Variants in RPL39L observed in about 807,000 individuals in gnomAD.
The protein encoded by RPL39L is ribosomal protein L39 like.
For missense variants in RPL39L, 48 were observed against 58.9 expected, an observed-to-expected ratio of 0.81 and a Z score of 0.61; for synonymous variants, 16 against 20.1, an observed-to-expected ratio of 0.80 and a Z score of 0.55.
At position 187,121,353 on chromosome 3, in the gene RPL39L, G is replaced by C. The variant is rs1225001798; in HGVS notation, c.-28-25C>G. 3.8e-6 allele frequency: 6 copies of C among 1,589,188 alleles called. No individual in the cohort carries two copies. In the Admixed American group the frequency reaches 1.0e-4, roughly 27 times the overall value. Reference sequence around the variant, plus strand: ...ACTATGGCGGAGAAAGGGAGAGAGAGACAGAGACAATATTACCATAGGATA... The same window carrying C: ...ACTATGGCGGAGAAAGGGAGAGAGACACAGAGACAATATTACCATAGGATA... On this transcript the variant is annotated intron_variant, in intron 2 of 2. Coordinates refer to ENST00000296277, the MANE Select transcript of RPL39L (RefSeq NM_052969.3).
At chr3:187,135,356 T>A (rs938460488) in intron 1 of RPL39L, among the ~76,000 whole-genome samples, 4 of 152,120 alleles carry the variant, frequency 2.6e-5, no homozygotes, top group South Asian at 4.1e-4. Flanking sequence ...AGGAACCCAG[T>A]GGGAGGTGAT....
At chr3:187,135,641 G>A (rs911140878) in intron 1 of RPL39L, among the ~76,000 whole-genome samples, 3 of 152,162 alleles carry the variant, frequency 2.0e-5, no homozygotes, top group African/African-American at 4.8e-5. Context: ...TAATACAGAC[G>A]GGTAAGCAGT....
At chr3:187,122,885 A>C (rs896592889) in intron 2 of RPL39L, among the ~76,000 whole-genome samples, 1 of 152,202 alleles carries the variant, frequency 6.6e-6, no homozygotes, top group Non-Finnish European at 1.5e-5. Flanking sequence ...ATAATTTAGG[A>C]TACTTCTGTG....
At chr3:187,124,461 T>C (rs1720365387) in intron 2 of RPL39L, among the ~76,000 whole-genome samples, 1 of 152,242 alleles carries the variant, frequency 6.6e-6, no homozygotes, top group Admixed American at 6.5e-5. Flanking sequence ...TAAATCTCTA[T>C]CAGATGCAAT....
chr3:187,130,687 T>C (rs1187487186), intron 1 of RPL39L, among the ~76,000 whole-genome samples: 1 of 152,204 alleles, frequency 6.6e-6, no homozygotes, highest in African/African-American at 2.4e-5. Context: ...AATTACCCAG[T>C]CTCAGATATT....
At chr3:187,126,322 C>T (rs925965659) in intron 2 of RPL39L, among the ~76,000 whole-genome samples, 7 of 152,058 alleles carry the variant, frequency 4.6e-5, no homozygotes, top group Admixed American at 1.3e-4. Flanking sequence ...CCACTACACC[C>T]GGCTAATTTT....
intron 1 of RPL39L, among the ~76,000 whole-genome samples, chr3:187,131,070 AGTG>A (rs1459521758): frequency 1.3e-5 from 2 of 152,182 alleles, no homozygotes; most frequent in African/African-American, 4.8e-5. Flanking sequence ...CTAAAATCAA[AGTG>A]GTATTTAAAA....
chr3:187,124,016 A>C (rs1256308633), intron 2 of RPL39L, among the ~76,000 whole-genome samples: 1 of 152,216 alleles, frequency 6.6e-6, no homozygotes, highest in East Asian at 1.9e-4. Context: ...TATAATGCCA[A>C]CTGAAATAAG....
chr3:187,133,347 A>T (rs995962288), intron 1 of RPL39L, among the ~76,000 whole-genome samples: 3 of 151,892 alleles, frequency 2.0e-5, no homozygotes, highest in Non-Finnish European at 4.4e-5. Context: ...TTCTCATGAG[A>T]TCTGATGGTT....
intron 2 of RPL39L, among the ~76,000 whole-genome samples, chr3:187,122,196 T>G (rs1375330200): frequency 6.6e-6 from 1 of 152,226 alleles, no homozygotes; most frequent in Non-Finnish European, 1.5e-5. Flanking sequence ...CCACTCCATT[T>G]AAAGATCTTG....
intron 1 of RPL39L, among the ~76,000 whole-genome samples, chr3:187,131,242 C>T (rs1487827382): frequency 6.6e-6 from 1 of 152,128 alleles, no homozygotes; most frequent in African/African-American, 2.4e-5. Flanking sequence ...TTTTGGGAGG[C>T]TGAGGCAGGC....
chr3:187,128,176 C>A (rs1720428960), intron 1 of RPL39L, 114 bp from the exon 2 acceptor site: 1 of 152,058 alleles, frequency 6.6e-6, no homozygotes, highest in Non-Finnish European at 1.5e-5. Flanking sequence ...TTTGTGAAAA[C>A]CTTAAGAGAA....
At chr3:187,134,866 T>C (rs756464149) in intron 1 of RPL39L, among the ~76,000 whole-genome samples, 1 of 152,232 alleles carries the variant, frequency 6.6e-6, no homozygotes, top group Non-Finnish European at 1.5e-5. Context: ...ACCTCTGTTA[T>C]GCTTCCAGGG....
At position 187,121,265 on chromosome 3, in the gene RPL39L, G is replaced by A. The variant is rs566048893; in HGVS notation, c.36C>T (p.Phe12=). ...SSHKTFTIKR[F]LAKKQKQNRP... ...GATTTTGCTTTTGTTTCTTGGCCAG[G>A]AATCGCTTAATGGTGAAAGTCTTGT... is the stretch of plus-strand genomic sequence containing the variant. The change falls in exon 3 of 3, where the codon TTC becomes TTT. Residue 12 remains phenylalanine, a synonymous_variant. Transcript: ENST00000296277. 7 of 1,613,982 alleles carry A rather than the reference G, an allele frequency of 4.3e-6. No homozygotes were observed. The African/African-American group carries it at 8.0e-5, about 18-fold the overall frequency.
rs72169562 is a variant in RPL39L, at chr3:187,134,483, T to TAAAAAAAAAAAAAAAAAAA, written c.-93+4711_-93+4729dup. The stretch of plus-strand genomic sequence containing the variant: ...GCCCAAACTACTTTAGCCTGACTGA[T>TAAAAAAAAAAAAAAAAAAA]AAAAAAAAAAAAAAAAAAAGAAGAC... On this transcript the variant is annotated intron_variant, in intron 1 of 2. Transcript: ENST00000296277. Among the ~76,000 whole-genome samples the TAAAAAAAAAAAAAAAAAAA allele has an allele frequency of 1.5e-3, 141 of 93,314 alleles. 2 individuals carry two copies. Among genetic ancestry groups the TAAAAAAAAAAAAAAAAAAA allele is most frequent in the African/African-American group, 5.7e-3 (134 of 23,480 alleles). 61.2% of individuals were successfully genotyped at this position (93,314 alleles called of 152,430 possible). A position where few individuals can be genotyped will look rare whatever the true frequency, so the allele number is the denominator to read the frequency against.
At chr3:187,134,483 T>TAAAAAAAAGAAAAAAAAAAAAA (rs1720539115) in intron 1 of RPL39L, among the ~76,000 whole-genome samples, 32 of 93,402 alleles carry the variant, frequency 3.4e-4, no homozygotes, top group African/African-American at 1.3e-3. Context: ...GCCTGACTGA[T>TAAAAAAAAGAAAAAAAAAAAAA]AAAAAAAAAA....
chr3:187,123,475 C>T (rs1352837707), intron 2 of RPL39L, among the ~76,000 whole-genome samples: 9 of 152,214 alleles, frequency 5.9e-5, no homozygotes, highest in Non-Finnish European at 1.3e-4. Context: ...AATCACAGTT[C>T]ATCTTAAATT....
intron 1 of RPL39L, 21 bp from the exon 2 acceptor site, chr3:187,128,083 G>A (rs1720427579): frequency 6.6e-6 from 1 of 152,308 alleles, no homozygotes; most frequent in Non-Finnish European, 1.5e-5. Flanking sequence ...AATATCCAGT[G>A]TGTAATGGTA....
intron 2 of RPL39L, among the ~76,000 whole-genome samples, chr3:187,125,140 TGTCTATAAGGAA>T (rs2108467581): frequency 6.6e-6 from 1 of 152,264 alleles, no homozygotes; most frequent in South Asian, 2.1e-4. Context: ...CAATACGATA[TGTCTATAAGGAA>T]GTGGTTAAAC....
Sources: allele counts gnomAD v4.1 joint callset (sites outside exome capture counted in the v4.1 genomes callset), GRCh38; gene constraint gnomAD v4.1.1; transcripts MANE v1.5; gene names NCBI Gene and HGNC (gene_info 2026-07-23, HGNC 2026-07-21).